NMNAT2: variants seen among roughly 807,000 people sequenced by gnomAD.
The protein encoded by NMNAT2 is nicotinamide nucleotide adenylyltransferase 2.
A neutral mutation model predicts 41.6 loss-of-function variants in NMNAT2; 11 were observed. The observed-to-expected ratio is 0.26, with a 90% CI of 0.17 to 0.44. The LOEUF (loss-of-function observed/expected upper bound fraction) is 0.44, where lower values mean the gene tolerates loss of function less well. NMNAT2 is among the 20% of genes least tolerant of loss of function. The pLI, the probability that NMNAT2 is intolerant of heterozygous loss-of-function variation, is 1.00. For synonymous variants in NMNAT2, 148 were observed against 151.2 expected, an observed-to-expected ratio of 0.98 and a Z score of 0.16; for missense variants, 288 against 407.7, an observed-to-expected ratio of 0.71 and a Z score of 2.53.
rs1017391076 is a variant in NMNAT2 at position 183,407,447 on chromosome 1, CT to C, written c.85+10735del. On this transcript the variant is annotated intron_variant, in intron 1 of 10. Coordinates refer to ENST00000287713, the MANE Select transcript of NMNAT2 (RefSeq NM_015039.4). Reference sequence around the variant, plus strand: ...TATTTTCTGGTTCCTAAATGCTTGTCTTTTTTTTTCTGAGCATCTATTTTGC... The same window carrying C: ...TATTTTCTGGTTCCTAAATGCTTGTCTTTTTTTTCTGAGCATCTATTTTGC... Among the ~76,000 whole-genome samples, 4 of 151,298 alleles carry C rather than the reference CT, an allele frequency of 2.6e-5. No individual in the cohort carries two copies. The South Asian group carries it at 6.3e-4, about 24-fold the overall frequency.
intron 1 of NMNAT2, among the ~76,000 whole-genome samples, chr1:183,361,190 G>A (rs1021712451): frequency 6.6e-5 from 10 of 152,184 alleles, no homozygotes; most frequent in Admixed American, 1.3e-4. Flanking sequence ...GGTGGCAGAG[G>A]CAAGATTCAA....
intron 1 of NMNAT2, among the ~76,000 whole-genome samples, chr1:183,296,525 T>TTTTTG (rs1661702263): frequency 6.6e-6 from 1 of 151,886 alleles, no homozygotes; most frequent in Non-Finnish European, 1.5e-5. Flanking sequence ...ACATTTGCTT[T>TTTTTG]TTTTTTTGAT....
chr1:183,324,465 T>C (rs1662419721), intron 1 of NMNAT2, among the ~76,000 whole-genome samples: 1 of 152,186 alleles, frequency 6.6e-6, no homozygotes, highest in Admixed American at 6.5e-5. Flanking sequence ...TACTATTTCC[T>C]TTACTTAAAA....
At chr1:183,399,723 T>C (rs113035883) in intron 1 of NMNAT2, among the ~76,000 whole-genome samples, 2 of 152,210 alleles carry the variant, frequency 1.3e-5, no homozygotes, top group Non-Finnish European at 2.9e-5. Context: ...CATGATCAAG[T>C]TGGCTTCATC....
chr1:183,369,454 T>C (rs1248220926), intron 1 of NMNAT2, among the ~76,000 whole-genome samples: 8 of 151,870 alleles, frequency 5.3e-5, no homozygotes, highest in Admixed American at 5.2e-4. Context: ...TCTTTTTGTA[T>C]TTTTAGTAGA....
chr1:183,298,903 T>C (rs1243023644), intron 1 of NMNAT2, among the ~76,000 whole-genome samples: 1 of 152,242 alleles, frequency 6.6e-6, no homozygotes, highest in Non-Finnish European at 1.5e-5. Context: ...TTTGTTAAAG[T>C]GTTAATATCA....
At chr1:183,294,999 T>TTTTC (rs1168576284) in intron 1 of NMNAT2, among the ~76,000 whole-genome samples, 1 of 152,174 alleles carries the variant, frequency 6.6e-6, no homozygotes, top group Non-Finnish European at 1.5e-5. Context: ...ATTTGCTTCT[T>TTTTC]TTTCTTTCTT....
intron 8 of NMNAT2, among the ~76,000 whole-genome samples, chr1:183,266,349 A>G (rs538691829): frequency 9.2e-5 from 14 of 152,250 alleles, no homozygotes; most frequent in African/African-American, 1.9e-4. Flanking sequence ...CCTTGGCTCA[A>G]AATCTTTCAC....
At chr1:183,410,739 T>C (rs1265417624) in intron 1 of NMNAT2, among the ~76,000 whole-genome samples, 3 of 136,394 alleles carry the variant, frequency 2.2e-5, no homozygotes, top group Non-Finnish European at 4.8e-5. Context: ...CTCTCTCTCT[T>C]TTTTTTAATT....
At chr1:183,370,223 TACACAC>T (rs57569629) in intron 1 of NMNAT2, among the ~76,000 whole-genome samples, 3,762 of 112,702 alleles carry the variant, frequency 0.033, 31 homozygotes, top group African/African-American at 0.056. Context: ...TATCAACACA[TACACAC>T]ACACACACAC....
chr1:183,367,163 A>G (rs1218230410), intron 1 of NMNAT2, among the ~76,000 whole-genome samples: 1 of 152,182 alleles, frequency 6.6e-6, no homozygotes, highest in Non-Finnish European at 1.5e-5. Flanking sequence ...TTCTCAGCTT[A>G]GTAAATAAAT....
intron 1 of NMNAT2, among the ~76,000 whole-genome samples, chr1:183,362,381 A>G (rs1663324288): frequency 6.6e-6 from 1 of 152,170 alleles, no homozygotes; most frequent in Non-Finnish European, 1.5e-5. Context: ...TCATCACCCA[A>G]AAAAAGAAAC....
At chr1:183,290,242 G>C (rs1476272029) in intron 3 of NMNAT2, 36 bp from the exon 4 acceptor site, 2 of 1,497,664 alleles carry the variant, frequency 1.3e-6, no homozygotes, top group Admixed American at 2.0e-5. Flanking sequence ...CTTGGTTTCT[G>C]TTCTCATATT....
chr1:183,390,456 A>G (rs1467485970), intron 1 of NMNAT2, among the ~76,000 whole-genome samples: 2 of 152,174 alleles, frequency 1.3e-5, no homozygotes, highest in Admixed American at 1.3e-4. Flanking sequence ...ATCACCACAC[A>G]TTATGATTTC....
At chr1:183,297,501 G>A (rs762864958) in intron 1 of NMNAT2, among the ~76,000 whole-genome samples, 21 of 150,898 alleles carry the variant, frequency 1.4e-4, no homozygotes, top group Non-Finnish European at 2.5e-4. Context: ...TCCTGCCTCC[G>A]CCTCCCGAGT....
At chr1:183,299,615 T>C (rs1037812657) in intron 1 of NMNAT2, among the ~76,000 whole-genome samples, 43 of 149,314 alleles carry the variant, frequency 2.9e-4, no homozygotes, top group African/African-American at 1.0e-3. Context: ...TAGGAGTTCA[T>C]GACCAACATG....
At chr1:183,309,049 C>CA (rs1662053982) in intron 1 of NMNAT2, among the ~76,000 whole-genome samples, 1 of 152,142 alleles carries the variant, frequency 6.6e-6, no homozygotes. Flanking sequence ...GACAGGGTCT[C>CA]ACTCTGTGCC....
chr1:183,280,617 A>G (rs1174930730), intron 7 of NMNAT2, among the ~76,000 whole-genome samples: 1 of 151,688 alleles, frequency 6.6e-6, no homozygotes, highest in Non-Finnish European at 1.5e-5. Context: ...CAAACTCCTG[A>G]CCTCAAGTGA....
chr1:183,291,030 C>T (rs537639923), intron 3 of NMNAT2, among the ~76,000 whole-genome samples: 389 of 152,326 alleles, frequency 2.6e-3, no homozygotes, highest in Non-Finnish European at 4.4e-3. Flanking sequence ...GATTCTCCTG[C>T]CTCAGCCTCC....
Sources: allele counts gnomAD v4.1 joint callset (sites outside exome capture counted in the v4.1 genomes callset), GRCh38; gene constraint gnomAD v4.1.1; transcripts MANE v1.5; gene names NCBI Gene and HGNC (gene_info 2026-07-23, HGNC 2026-07-21).